ANO4: variants seen among roughly 807,000 people sequenced by gnomAD.
ANO4 encodes anoctamin 4, also known as anoctamin-4.
In ANO4, 69 loss-of-function variants were observed where a neutral mutation model predicts 141.9. That is an observed-to-expected ratio of 0.49 (90% confidence interval 0.40 to 0.59). The LOEUF (loss-of-function observed/expected upper bound fraction) is 0.59, where lower values mean the gene tolerates loss of function less well. ANO4 is among the 20% of genes least tolerant of loss of function. The pLI is 0.00. For missense variants in ANO4, 894 were observed against 1,162.2 expected, an observed-to-expected ratio of 0.77 and a Z score of 3.36; for synonymous variants, 350 against 394.3, an observed-to-expected ratio of 0.89 and a Z score of 1.33.
intron 26 of ANO4, among the ~76,000 whole-genome samples, chr12:101,125,653 T>A: frequency 6.6e-6 from 1 of 152,220 alleles, no homozygotes; most frequent in African/African-American, 2.4e-5. Context: ...TTTTTGTCTT[T>A]AGTTCTGCTT....
intron 1 of ANO4, among the ~76,000 whole-genome samples, chr12:100,726,879 A>C (rs1315694758): frequency 6.6e-6 from 1 of 152,048 alleles, no homozygotes; most frequent in Non-Finnish European, 1.5e-5. Context: ...ACATTAAAAA[A>C]ACTTTGAAAA....
intron 1 of ANO4, among the ~76,000 whole-genome samples, chr12:100,821,145 A>G (rs1185264689): frequency 6.6e-6 from 1 of 152,044 alleles, no homozygotes; most frequent in African/African-American, 2.4e-5. Flanking sequence ...GGCTTTATTT[A>G]TAGAAATGGC....
At chr12:100,932,614 G>T (rs1054053080) in intron 3 of ANO4, among the ~76,000 whole-genome samples, 1 of 152,236 alleles carries the variant, frequency 6.6e-6, no homozygotes, top group African/African-American at 2.4e-5. Context: ...AGGAATAATT[G>T]AAATAATTGC....
In ANO4 at chr12:100,992,448, C is replaced by T. The variant is rs118097937; in HGVS notation, c.734+4778C>T. Among the ~76,000 whole-genome samples the T allele has an allele frequency of 1.8e-3, 278 of 152,208 alleles. 4 individuals are homozygous for T. The East Asian group carries it at 0.025, about 13-fold the overall frequency. On this transcript the variant is annotated intron_variant, in intron 8 of 27. Transcript: ENST00000392977. Reference sequence around the variant, plus strand: ...TGTTTCCTCTCCTGGAATTCTCTTCCGATTCTTTCCTTCTTCATGTAGTAT... The same window carrying T: ...TGTTTCCTCTCCTGGAATTCTCTTCTGATTCTTTCCTTCTTCATGTAGTAT...
intron 3 of ANO4, among the ~76,000 whole-genome samples, chr12:100,761,652 A>G (rs2032863043): frequency 6.6e-6 from 1 of 152,180 alleles, no homozygotes; most frequent in South Asian, 2.1e-4. Context: ...GGTGTTCAAC[A>G]TAAACCACAT....
At chr12:100,815,438 A>G (rs550591377) in intron 1 of ANO4, among the ~76,000 whole-genome samples, 1 of 152,170 alleles carries the variant, frequency 6.6e-6, no homozygotes, top group Non-Finnish European at 1.5e-5. Context: ...GACAACATCT[A>G]TGATCTAGCT....
At position 100,882,776 on chromosome 12, in the gene ANO4, G is replaced by A. The variant is rs1032495094; in HGVS notation, c.-140-18870G>A. Among the ~76,000 whole-genome samples, 28 of 152,018 alleles carry A rather than the reference G, an allele frequency of 1.8e-4. 1 individual carries two copies. The highest frequency in any genetic ancestry group is 1.8e-3 in the Admixed American group (28 of 15,260). ...TGCAGTGGCATGATCTTGGCTCTCT[G>A]CAACCTCTGCCTCCCGGGTTCAAGC... On this transcript the variant is annotated intron_variant, in intron 1 of 27. Transcript: ENST00000392977.
chr12:101,050,279 G>A (rs1354951640), intron 14 of ANO4, among the ~76,000 whole-genome samples: 1 of 152,142 alleles, frequency 6.6e-6, no homozygotes, highest in African/African-American at 2.4e-5. Flanking sequence ...TTGTGGCTGA[G>A]GCCTCTCTCA....
At position 100,922,290 on chromosome 12, in the gene ANO4, T is replaced by C; in HGVS notation, c.120T>C (p.Ser40=). Residue 40 remains serine, a synonymous_variant, in exon 3 of 28, where the codon AGT becomes AGC. Coordinates refer to ENST00000392977, the MANE Select transcript of ANO4 (RefSeq NM_001286615.2). ...DMQILPDGPK[S]DVDFSEILNA... Reference sequence around the variant, plus strand: ...AAATACTACCTGACGGGCCAAAGAGTGATGTGGACTTTTCAGAGATTCTTA... The same window carrying C: ...AAATACTACCTGACGGGCCAAAGAGCGATGTGGACTTTTCAGAGATTCTTA... 3 of 1,532,208 alleles carry C rather than the reference T, an allele frequency of 2.0e-6. No individual in the cohort carries two copies. Among genetic ancestry groups the C allele is most frequent in the Middle Eastern group, 3.4e-4 (2 of 5,966 alleles). The allele number at this position is 1,532,208 out of a possible 1,614,324, so 94.9% of individuals were successfully genotyped here.
intron 1 of ANO4, among the ~76,000 whole-genome samples, chr12:100,871,246 A>G (rs1299389471): frequency 6.6e-6 from 1 of 152,208 alleles, no homozygotes; most frequent in Admixed American, 6.5e-5. Context: ...TACATAATTC[A>G]GTGTGCCTAT....
At chr12:100,964,740 A>G (rs1188185509) in intron 5 of ANO4, among the ~76,000 whole-genome samples, 1 of 152,164 alleles carries the variant, frequency 6.6e-6, no homozygotes, top group Non-Finnish European at 1.5e-5. Context: ...CTCCCTGTGT[A>G]ATAGAACAGC....
intron 17 of ANO4, among the ~76,000 whole-genome samples, chr12:101,089,817 A>C (rs1023647329): frequency 6.6e-6 from 1 of 152,244 alleles, no homozygotes; most frequent in Non-Finnish European, 1.5e-5. Flanking sequence ...GGCAACCTAC[A>C]GAATGGGAGA....
chr12:101,076,182 G>A (rs145542146), intron 14 of ANO4, among the ~76,000 whole-genome samples: 406 of 152,232 alleles, frequency 2.7e-3, no homozygotes, highest in African/African-American at 9.3e-3. Flanking sequence ...TAAGGTGAAG[G>A]TATTAGTAAG....
chr12:100,849,553 T>A (rs2135844525), intron 1 of ANO4, among the ~76,000 whole-genome samples: 1 of 152,318 alleles, frequency 6.6e-6, no homozygotes, highest in African/African-American at 2.4e-5. Context: ...TCTATATAAA[T>A]GAGTGAGTAC....
At chr12:100,786,547 A>G (rs1170581813) in intron 3 of ANO4, among the ~76,000 whole-genome samples, 1 of 152,174 alleles carries the variant, frequency 6.6e-6, no homozygotes. Context: ...GCTCAGGAAG[A>G]CAGGGTTTTT....
rs2042721765 is a variant in ANO4 at position 100,946,399 on chromosome 12, T to A, written c.456+3864T>A. 4.6e-5 allele frequency among the ~76,000 whole-genome samples: 7 copies of A among 152,162 alleles called. No homozygotes were observed. The South Asian group carries it at 1.0e-3, about 23-fold the overall frequency. ...GAAGCAGGGAGAATAATTAGGAGAT[T>A]CGTTGCAAGAATCCAGGAAAGAGAT... On this transcript the variant is annotated intron_variant, in intron 5 of 27. Transcript: ENST00000392977.
chr12:101,101,598 AT>A (rs2050190762), intron 22 of ANO4, among the ~76,000 whole-genome samples: 1 of 151,986 alleles, frequency 6.6e-6, no homozygotes, highest in South Asian at 2.1e-4. Context: ...TCCACATATC[AT>A]GAAATGTACT....
intron 1 of ANO4, among the ~76,000 whole-genome samples, chr12:100,888,591 CT>C (rs1396691555): frequency 7.9e-5 from 12 of 152,238 alleles, no homozygotes; most frequent in African/African-American, 2.9e-4. Context: ...TCCTCCCAAC[CT>C]TTAGCTCCTT....
At chr12:100,812,012 A>G (rs537699130) in intron 1 of ANO4, among the ~76,000 whole-genome samples, 2 of 127,574 alleles carry the variant, frequency 1.6e-5, no homozygotes, top group Non-Finnish European at 3.3e-5. Flanking sequence ...ACCTACTCAC[A>G]TATACACATG....
Sources: gnomAD v4.1 joint callset for allele counts (sites outside exome capture counted in the v4.1 genomes callset) on GRCh38, gnomAD v4.1.1 for gene constraint, MANE v1.5 for transcripts, NCBI Gene and HGNC (gene_info 2026-07-23, HGNC 2026-07-21) for gene names.